The following SCFD1 variants were observed in gnomAD, a reference collection of about 807,000 sequenced individuals.
The protein encoded by SCFD1 is sec1 family domain containing 1.
Under a neutral mutation model 103.2 loss-of-function variants are expected in SCFD1, and 37 were observed. The observed-to-expected ratio is 0.36, with a 90% CI of 0.28 to 0.47. The LOEUF (loss-of-function observed/expected upper bound fraction) is 0.47, where lower values mean the gene tolerates loss of function less well. Among genes scored for constraint, SCFD1 ranks in the 20% least tolerant of loss-of-function variants. SCFD1 has a pLI of 1.00. For missense variants in SCFD1, 639 were observed against 761.2 expected (o/e 0.84, Z 1.89); for synonymous variants, 264 against 245.0 (o/e 1.08, Z -0.73).
intron 14 of SCFD1, chr14:30,683,723 C>G (rs1889686471): frequency 5.9e-6 from 1 of 169,788 alleles, no homozygotes; most frequent in Non-Finnish European, 1.2e-5. Context: ...AATTCATAAT[C>G]TGGAATATTC....
chr14:30,638,312 G>A (rs943298730), intron 5 of SCFD1, 65 bp downstream of exon 5: 60 of 1,603,346 alleles, frequency 3.7e-5, no homozygotes, highest in East Asian at 1.1e-4. Context: ...TCTGAAACCC[G>A]TAGTTGGCAT....
At chr14:30,734,593 A>G in intron 23 of SCFD1, 197 bp from the exon 24 acceptor site, 1 of 537,636 alleles carries the variant, frequency 1.9e-6, no homozygotes, top group Non-Finnish European at 3.3e-6. Context: ...GGGGGACAAA[A>G]ATACTATGCT....
intron 14 of SCFD1, among the ~76,000 whole-genome samples, chr14:30,692,731 AGTTT>A (rs1276001467): frequency 6.6e-6 from 1 of 152,212 alleles, no homozygotes; most frequent in African/African-American, 2.4e-5. Flanking sequence ...CCTGAAAGTT[AGTTT>A]AACAGCTTAT....
rs1030129503 is a variant in SCFD1 at position 30,682,534 on chromosome 14, G to C, written c.1242+7469G>C. On this transcript the variant is annotated intron_variant, in intron 14 of 24. Coordinates refer to ENST00000458591, the MANE Select transcript of SCFD1 (RefSeq NM_016106.4). The stretch of plus-strand genomic sequence containing the variant: ...TGAATAACTGAAAATAAATTAACCA[G>C]CTATTTTGTTATATTATACAAAGCA... 3.3e-5 allele frequency among the ~76,000 whole-genome samples: 5 copies of C among 152,282 alleles called. No individual in the cohort carries two copies. The South Asian group carries it at 6.2e-4, about 19-fold the overall frequency.
At chr14:30,687,547 T>A (rs1470465038) in intron 14 of SCFD1, among the ~76,000 whole-genome samples, 63 of 3,116 alleles carry the variant, frequency 0.02, 2 homozygotes, top group Admixed American at 0.025. Flanking sequence ...CTTGGGAGAG[T>A]GTATGTGTCG....
rs1389905309 is a variant in SCFD1 at position 30,702,456 on chromosome 14, A to G, written c.1490+81A>G. 3 of 846,862 alleles carry G rather than the reference A, an allele frequency of 3.5e-6. No homozygotes were observed. In the Admixed American group the frequency reaches 8.0e-5, roughly 23 times the overall value. 52.5% of individuals were successfully genotyped at this position (846,862 alleles called of 1,614,324 possible). On this transcript the variant is annotated intron_variant, in intron 17 of 24. Coordinates refer to ENST00000458591, the MANE Select transcript of SCFD1 (RefSeq NM_016106.4). The stretch of plus-strand genomic sequence containing the variant: ...TCATTCCCAAGAAAATGGGAATGCT[A>G]ATAAGAAAACTGAACAATGCCTTGG...
intron 23 of SCFD1, among the ~76,000 whole-genome samples, chr14:30,725,041 A>C (rs1892943649): frequency 6.6e-6 from 1 of 151,890 alleles, no homozygotes; most frequent in Non-Finnish European, 1.5e-5. Flanking sequence ...ATTGGTCTGT[A>C]GGTCTGTTTT....
chr14:30,644,125 C>A, intron 7 of SCFD1: 1 of 363,490 alleles, frequency 2.8e-6, no homozygotes, highest in Admixed American at 3.4e-5. Context: ...CTGTTAATTC[C>A]CTTAGAATAA....
At chr14:30,661,635 A>G (rs991850374) in intron 10 of SCFD1, among the ~76,000 whole-genome samples, 1 of 152,172 alleles carries the variant, frequency 6.6e-6, no homozygotes, top group African/African-American at 2.4e-5. Context: ...TCCGTAAGAA[A>G]TAGAATTACA....
Position 30,709,876 on chromosome 14 carries a change from A to G in SCFD1, c.1629+1811A>G, listed in dbSNP as rs570008298. Among the ~76,000 whole-genome samples the G allele has an allele frequency of 2.0e-5, 3 of 152,326 alleles. No homozygotes were observed. In the South Asian group the frequency reaches 6.2e-4, roughly 32 times the overall value. ...GCTATTACATAACCATATGTAGTTT[A>G]TTTTTAAGGAGAATTACATATTTTT... is the stretch of plus-strand genomic sequence containing the variant. On this transcript the variant is annotated intron_variant, in intron 19 of 24. Coordinates refer to ENST00000458591, the MANE Select transcript of SCFD1 (RefSeq NM_016106.4).
At chr14:30,631,331 C>T (rs1448986401) in intron 3 of SCFD1, among the ~76,000 whole-genome samples, 1 of 151,682 alleles carries the variant, frequency 6.6e-6, no homozygotes, top group Non-Finnish European at 1.5e-5. Context: ...CCAGCCTGGG[C>T]AAAAGAGCAA....
At position 30,735,617 on chromosome 14, in the gene SCFD1, G is replaced by A. The variant is rs773852686; in HGVS notation, c.*8G>A. The A allele has an allele frequency of 6.3e-7, 1 of 1,586,804 alleles. No homozygotes were observed. Among genetic ancestry groups the A allele is most frequent in the South Asian group, 1.1e-5 (1 of 87,904 alleles). On this transcript the variant is annotated 3_prime_UTR_variant, in exon 25 of 25. Coordinates refer to ENST00000458591, the MANE Select transcript of SCFD1 (RefSeq NM_016106.4). ...CAACTTGGACAAAAGTAACACAGAA[G>A]AACCTTACTATGATAATCTACTTGG...
rs114947163 is a variant in SCFD1 at position 30,659,445 on chromosome 14, G to A, written c.855+5857G>A. On this transcript the variant is annotated intron_variant, in intron 10 of 24. Coordinates refer to ENST00000458591, the MANE Select transcript of SCFD1 (RefSeq NM_016106.4). ...TCAGTAGCCACCTGTGACTATTGGC[G>A]ACTGTATTGGACAGTGCAATTCTAA... 5.6e-3 allele frequency among the ~76,000 whole-genome samples: 854 copies of A among 152,170 alleles called. 10 individuals are homozygous for A. Among genetic ancestry groups the A allele is most frequent in the African/African-American group, 0.019 (784 of 41,522 alleles).
At chr14:30,679,115 C>T (rs1488185142) in intron 14 of SCFD1, among the ~76,000 whole-genome samples, 1 of 152,188 alleles carries the variant, frequency 6.6e-6, no homozygotes, top group Non-Finnish European at 1.5e-5. Flanking sequence ...TTAGTCACCA[C>T]ACCAAATTAA....
chr14:30,630,274 G>A (rs1330603583), intron 2 of SCFD1, among the ~76,000 whole-genome samples: 1 of 152,052 alleles, frequency 6.6e-6, no homozygotes, highest in African/African-American at 2.4e-5. Context: ...TATATATGAT[G>A]TATTAAAATT....
At chr14:30,701,582 G>A (rs1316061644) in intron 16 of SCFD1, among the ~76,000 whole-genome samples, 1 of 151,924 alleles carries the variant, frequency 6.6e-6, no homozygotes, top group East Asian at 1.9e-4. Context: ...CTCATCAACA[G>A]GGGTTTACCT....
chr14:30,660,061 G>A (rs1051107619), intron 10 of SCFD1, among the ~76,000 whole-genome samples: 6 of 151,992 alleles, frequency 3.9e-5, no homozygotes, highest in South Asian at 2.1e-4. Context: ...TGATATACCC[G>A]CTCTGTATTG....
chr14:30,651,480 A>G (rs1322819489), intron 9 of SCFD1, among the ~76,000 whole-genome samples: 1 of 151,912 alleles, frequency 6.6e-6, no homozygotes, highest in Non-Finnish European at 1.5e-5. Context: ...ATTATTTTAA[A>G]TGGTTCTATG....
rs1448597001 is a variant in SCFD1, at chr14:30,632,012, C to T, written c.221+1447C>T. ...GTAGTGAACCGAGATCGTGACACTA[C>T]ACTCTGGCCTGGGCAGCAGAGCAAG... On this transcript the variant is annotated intron_variant, in intron 3 of 24. Coordinates refer to ENST00000458591, the MANE Select transcript of SCFD1 (RefSeq NM_016106.4). Among the ~76,000 whole-genome samples the T allele has an allele frequency of 3.9e-5, 5 of 129,810 alleles. No homozygotes were observed. In the East Asian group the frequency reaches 1.3e-3, roughly 34 times the overall value. The allele number at this position is 129,810 out of a possible 152,430, so 85.2% of individuals were successfully genotyped here.
Sources: gnomAD v4.1 joint callset for allele counts (sites outside exome capture counted in the v4.1 genomes callset) on GRCh38, gnomAD v4.1.1 for gene constraint, MANE v1.5 for transcripts, NCBI Gene and HGNC (gene_info 2026-07-23, HGNC 2026-07-21) for gene names.